The following CNGB1 variants were observed in gnomAD, a reference collection of about 807,000 sequenced individuals.
The protein encoded by CNGB1 is cyclic nucleotide gated channel subunit beta 1, also known as cyclic nucleotide-gated channel beta-1.
A neutral mutation model predicts 151.7 loss-of-function variants in CNGB1; 126 were observed. The ratio of observed to expected loss-of-function variants is 0.83; its 90% CI spans 0.72 to 0.96. The LOEUF is 0.96. Ranked by LOEUF, CNGB1 falls within the 40% of genes least tolerant of loss-of-function variation. The pLI is 0.00. For missense variants in CNGB1, 1,698 were observed against 1,627.0 expected, an observed-to-expected ratio of 1.04 and a Z score of -0.75; for synonymous variants, 623 against 635.1, an observed-to-expected ratio of 0.98 and a Z score of 0.29.
chr16:57,906,140 C>G (rs570526368), intron 25 of CNGB1, among the ~76,000 whole-genome samples: 1 of 152,202 alleles, frequency 6.6e-6, no homozygotes, highest in Non-Finnish European at 1.5e-5. Context: ...GGCTCTGGAC[C>G]AGGCTGGCTG....
chr16:57,897,266 C>T, intron 31 of CNGB1, 131 bp downstream of exon 31: 1 of 948,942 alleles, frequency 1.1e-6, no homozygotes, highest in Non-Finnish European at 1.6e-6. Context: ...CACTCCACTG[C>T]ACTCCAGACT....
rs1961419231 is a variant in CNGB1, at chr16:57,933,555, T to G, written c.1373-1677A>C. 2.0e-5 allele frequency among the ~76,000 whole-genome samples: 3 copies of G among 152,186 alleles called. No individual in the cohort carries two copies. In the South Asian group the frequency reaches 6.2e-4, roughly 32 times the overall value. On this transcript the variant is annotated intron_variant, in intron 16 of 32. Transcript: ENST00000251102. ...CTCAGAGGATACTGAGAGGCTGGGA[T>G]AGTATTCCTCCTTCTCCCCTACACC...
chr16:57,923,644 C>T (rs1961109503), intron 17 of CNGB1, among the ~76,000 whole-genome samples: 1 of 152,218 alleles, frequency 6.6e-6, no homozygotes, highest in Non-Finnish European at 1.5e-5. Context: ...CACCCCAGTC[C>T]TGCCTCTTAC....
chr16:57,898,498 C>T (rs1960295797), intron 29 of CNGB1, among the ~76,000 whole-genome samples: 1 of 152,166 alleles, frequency 6.6e-6, no homozygotes, highest in African/African-American at 2.4e-5. Context: ...GTGCTTCAGC[C>T]TCCCAAACAG....
intron 14 of CNGB1, among the ~76,000 whole-genome samples, chr16:57,945,256 GC>G (rs1961777897): frequency 1.3e-5 from 2 of 152,344 alleles, no homozygotes; most frequent in South Asian, 4.1e-4. Flanking sequence ...GGAGAAGTCA[GC>G]CTTGCACAAA....
chr16:57,887,203 C>T (rs1285350360), intron 32 of CNGB1, among the ~76,000 whole-genome samples: 1 of 152,106 alleles, frequency 6.6e-6, no homozygotes, highest in African/African-American at 2.4e-5. Context: ...CTTAAATTGT[C>T]ACAGACACAG....
intron 18 of CNGB1, among the ~76,000 whole-genome samples, chr16:57,921,297 A>T (rs1961029661): frequency 7.1e-6 from 1 of 140,806 alleles, no homozygotes; most frequent in Non-Finnish European, 1.5e-5. Flanking sequence ...ACCTCGGCTC[A>T]GTCAACATTC....
At chr16:57,952,052 G>A (rs1310180330) in intron 12 of CNGB1, among the ~76,000 whole-genome samples, 3 of 152,232 alleles carry the variant, frequency 2.0e-5, no homozygotes, top group Admixed American at 2.0e-4. Flanking sequence ...GTCAGTCTAT[G>A]CTGCTGTCCA....
intron 23 of CNGB1, among the ~76,000 whole-genome samples, chr16:57,913,911 G>C (rs1411915178): frequency 6.6e-6 from 1 of 152,218 alleles, no homozygotes; most frequent in Non-Finnish European, 1.5e-5. Flanking sequence ...TGGTATGTGA[G>C]AGAGTCAGCA....
chr16:57,884,508 T>C, intron 32 of CNGB1, 51 bp from the exon 33 acceptor site: 1 of 1,605,162 alleles, frequency 6.2e-7, no homozygotes, highest in Non-Finnish European at 8.5e-7. Flanking sequence ...GGAGGGGTCT[T>C]GGAAGGGTCT....
chr16:57,946,095 A>G (rs542399862), intron 14 of CNGB1, among the ~76,000 whole-genome samples: 20 of 152,272 alleles, frequency 1.3e-4, no homozygotes, highest in African/African-American at 4.6e-4. Context: ...CAAGCCATCA[A>G]CTTCCAGAAA....
At chr16:57,887,765 T>G in intron 32 of CNGB1, 90 bp downstream of exon 32, 1 of 1,281,206 alleles carries the variant, frequency 7.8e-7, no homozygotes, top group Admixed American at 1.7e-5. Context: ...ACCCTAAAAC[T>G]AAATGTGTGG....
intron 16 of CNGB1, among the ~76,000 whole-genome samples, chr16:57,938,622 G>A (rs1361903753): frequency 6.6e-6 from 1 of 151,962 alleles, no homozygotes; most frequent in African/African-American, 2.4e-5. Flanking sequence ...GGAGCCAGGA[G>A]TGAAATGCAG....
At chr16:57,889,670 C>G (rs535575774) in intron 31 of CNGB1, among the ~76,000 whole-genome samples, 1 of 152,310 alleles carries the variant, frequency 6.6e-6, no homozygotes, top group East Asian at 1.9e-4. Context: ...ACAACAATCC[C>G]CATAAGTAGG....
At chr16:57,918,520 T>C (rs553262517) in intron 20 of CNGB1, among the ~76,000 whole-genome samples, 1 of 152,330 alleles carries the variant, frequency 6.6e-6, no homozygotes, top group East Asian at 1.9e-4. Context: ...CCTGCTCTTT[T>C]TCTGTTCAGA....
intron 25 of CNGB1, among the ~76,000 whole-genome samples, chr16:57,907,479 C>A (rs184539123): frequency 1.3e-5 from 2 of 152,250 alleles, no homozygotes; most frequent in Admixed American, 6.5e-5. Flanking sequence ...ATAGCCATAG[C>A]TAGGCACAGG....
chr16:57,901,108 T>C (rs1279374380), intron 29 of CNGB1, among the ~76,000 whole-genome samples: 2 of 152,048 alleles, frequency 1.3e-5, no homozygotes, highest in African/African-American at 2.4e-5. Flanking sequence ...TCAATGGAGC[T>C]GAGAAAATGC....
chr16:57,902,636 G>T (rs1451213582), intron 27 of CNGB1, among the ~76,000 whole-genome samples: 2 of 150,814 alleles, frequency 1.3e-5, no homozygotes, highest in African/African-American at 4.9e-5. Context: ...ACAGGGTCTT[G>T]TTCTGTCACT....
In CNGB1 at chr16:57,958,447, A is replaced by C; in HGVS notation, c.800T>G (p.Leu267Trp). Residue 267 changes from leucine (L) to tryptophan (W), a missense_variant, in exon 11 of 33, where the codon TTG (leucine) becomes TGG (tryptophan). Transcript: ENST00000251102. Reference sequence around the variant, plus strand: ...TTTCCCATGTAGCACTGGCTGCGGCAAGGCCATCTCCAGCCTGTGCAGGAC... The same window carrying C: ...TTTCCCATGTAGCACTGGCTGCGGCCAGGCCATCTCCAGCCTGTGCAGGAC... ...AWVLHRLEMA[L>W]PQPVLHGKIG... 1.2e-6 allele frequency: 2 copies of C among 1,613,450 alleles called. No homozygotes were observed. The highest frequency in any genetic ancestry group is 1.7e-6 in the Non-Finnish European group (2 of 1,179,904).
Sources: allele counts gnomAD v4.1 joint callset (sites outside exome capture counted in the v4.1 genomes callset), GRCh38; gene constraint gnomAD v4.1.1; transcripts MANE v1.5; gene names NCBI Gene and HGNC (gene_info 2026-07-23, HGNC 2026-07-21).